Variants in FRMD4B observed in about 807,000 individuals in gnomAD.
FRMD4B encodes the protein FERM domain-containing protein 4B.
FRMD4B carries 74 observed loss-of-function variants against 141.5 expected under a neutral mutation model. The observed-to-expected ratio is 0.52, with a 90% CI of 0.43 to 0.63. The LOEUF (loss-of-function observed/expected upper bound fraction) is 0.63, where lower values mean the gene tolerates loss of function less well. FRMD4B is among the 30% of genes least tolerant of loss of function. The probability of loss-of-function intolerance (pLI) is 0.00; values close to 1 mark genes in which losing one functional copy is unlikely to be tolerated. For missense variants in FRMD4B, 1,366 were observed against 1,253.4 expected, an observed-to-expected ratio of 1.09 and a Z score of -1.36; for synonymous variants, 506 against 467.9, an observed-to-expected ratio of 1.08 and a Z score of -1.05.
intron 5 of FRMD4B, among the ~76,000 whole-genome samples, chr3:69,262,499 G>A (rs976156487): frequency 6.1e-5 from 6 of 97,814 alleles, no homozygotes; most frequent in African/African-American, 8.2e-5. Flanking sequence ...ATGGAGTTTC[G>A]CTTTTGTCCA....
chr3:69,336,918 T>C (rs953415453), intron 1 of FRMD4B, among the ~76,000 whole-genome samples: 3 of 152,160 alleles, frequency 2.0e-5, no homozygotes, highest in African/African-American at 7.2e-5. Flanking sequence ...CACTCCAGCC[T>C]GGGCATCAGA....
chr3:69,453,414 C>A (rs957668995), intron 1 of FRMD4B, among the ~76,000 whole-genome samples: 2 of 152,136 alleles, frequency 1.3e-5, no homozygotes, highest in African/African-American at 4.8e-5. Flanking sequence ...TGACTTGGCA[C>A]CGTGCATAGC....
chr3:69,187,684 G>A (rs989642445), intron 19 of FRMD4B, 86 bp downstream of exon 19: 13 of 1,233,970 alleles, frequency 1.1e-5, no homozygotes, highest in Non-Finnish European at 1.2e-5. Flanking sequence ...AAAAACATGT[G>A]AAAATGTATC....
chr3:69,485,433 C>A (rs1041742614), intron 1 of FRMD4B, among the ~76,000 whole-genome samples: 1 of 152,180 alleles, frequency 6.6e-6, no homozygotes, highest in Non-Finnish European at 1.5e-5. Context: ...AGGCCCAGAT[C>A]CGCACCCAGG....
chr3:69,427,636 G>A (rs1456657340), intron 2 of FRMD4B, among the ~76,000 whole-genome samples: 1 of 95,472 alleles, frequency 1.0e-5, no homozygotes, highest in South Asian at 3.9e-4. Flanking sequence ...TAAGAAGCTA[G>A]GTAAATGTTT....
intron 1 of FRMD4B, among the ~76,000 whole-genome samples, chr3:69,511,621 C>T (rs995856827): frequency 3.3e-5 from 5 of 152,208 alleles, no homozygotes; most frequent in Non-Finnish European, 7.3e-5. Flanking sequence ...GGCTCCCATT[C>T]CTATCAGACG....
chr3:69,188,709 A>G (rs2092798638), intron 18 of FRMD4B, among the ~76,000 whole-genome samples: 1 of 142,492 alleles, frequency 7.0e-6, no homozygotes, highest in Admixed American at 7.4e-5. Flanking sequence ...GTGAGCCGAG[A>G]TTGCGCCACT....
intron 1 of FRMD4B, among the ~76,000 whole-genome samples, chr3:69,363,276 G>A (rs1653953437): frequency 8.2e-6 from 1 of 122,584 alleles, no homozygotes; most frequent in Admixed American, 8.4e-5. Flanking sequence ...AATAGAGATG[G>A]GTCTTGCCAT....
intron 7 of FRMD4B, among the ~76,000 whole-genome samples, chr3:69,245,827 CTAATT>C (rs1265150211): frequency 7.9e-6 from 1 of 125,942 alleles, no homozygotes; most frequent in African/African-American, 3.1e-5. Flanking sequence ...ACGTGCCAGG[CTAATT>C]TGTTTTTTTT....
chr3:69,481,535 CAGTT>C (rs1706124827), intron 1 of FRMD4B, among the ~76,000 whole-genome samples: 2 of 152,074 alleles, frequency 1.3e-5, no homozygotes, highest in Admixed American at 1.3e-4. Context: ...TTTCACGTAA[CAGTT>C]AGGCAGTAAG....
intron 2 of FRMD4B, among the ~76,000 whole-genome samples, chr3:69,427,903 A>G (rs1407799584): frequency 6.6e-6 from 1 of 151,348 alleles, no homozygotes. Flanking sequence ...TGATCTGCCC[A>G]CCTCGGCCTC....
chr3:69,181,060 T>TCGGCAACTAAGGCC lies in FRMD4B; in HGVS notation c.2676_2689dup (p.Glu897GlyfsTer3). On this transcript the variant is annotated stop_gained and frameshift_variant, in exon 21 of 23. Coordinates refer to ENST00000398540, the MANE Select transcript of FRMD4B (RefSeq NM_015123.3). LOFTEE classifies it high-confidence loss of function. ...CCGCTGGTACCAGCCACGCAAGTGC[T>TCGGCAACTAAGGCC]CGGCAACTAAGGCCTTGTGGATGTT... 6.2e-7 allele frequency: 1 copy of TCGGCAACTAAGGCC among 1,613,994 alleles called. No homozygotes were observed. Among genetic ancestry groups the TCGGCAACTAAGGCC allele is most frequent in the South Asian group, 1.1e-5 (1 of 91,078 alleles).
intron 1 of FRMD4B, among the ~76,000 whole-genome samples, chr3:69,495,929 A>C (rs1000094478): frequency 1.3e-5 from 2 of 152,248 alleles, no homozygotes. Flanking sequence ...TCAAACCAGT[A>C]TGCAGTGATT....
chr3:69,220,768 C>T (rs926127227), intron 9 of FRMD4B, among the ~76,000 whole-genome samples: 7 of 152,116 alleles, frequency 4.6e-5, no homozygotes, highest in African/African-American at 1.7e-4. Context: ...GCACGAAAAT[C>T]GCTTGAACCC....
chr3:69,474,829 G>A lies in FRMD4B; in HGVS notation c.-128-42068C>T, dbSNP rs149653338. Among the ~76,000 whole-genome samples the A allele has an allele frequency of 8.0e-3, 1,211 of 152,146 alleles. 12 individuals are homozygous for A. Among genetic ancestry groups the A allele is most frequent in the Non-Finnish European group, 0.012 (793 of 67,988 alleles). ...GAGACTACTGTCTGATGTGGAAGAC[G>A]GACTGTTTAACAACCCCTTAAACCA... is the stretch of plus-strand genomic sequence containing the variant. On this transcript the variant is annotated intron_variant, in intron 1 of 5. Coordinates refer to the FRMD4B transcript ENST00000459638.
At chr3:69,476,359 C>G (rs1233100328) in intron 1 of FRMD4B, among the ~76,000 whole-genome samples, 2 of 152,052 alleles carry the variant, frequency 1.3e-5, no homozygotes, top group Non-Finnish European at 1.5e-5. Context: ...AGTCTTTATT[C>G]CATCTTGAAT....
At chr3:69,297,741 T>C (rs1158900241) in intron 4 of FRMD4B, among the ~76,000 whole-genome samples, 1 of 152,166 alleles carries the variant, frequency 6.6e-6, no homozygotes, top group East Asian at 1.9e-4. Context: ...ATATAATTTA[T>C]GGCAGCCAGA....
chr3:69,300,216 T>C (rs978971179), intron 4 of FRMD4B, among the ~76,000 whole-genome samples: 26 of 152,192 alleles, frequency 1.7e-4, no homozygotes, highest in Non-Finnish European at 2.4e-4. Context: ...GGCGTGTGCT[T>C]TTCCTTTATC....
intron 1 of FRMD4B, among the ~76,000 whole-genome samples, chr3:69,354,731 C>T (rs1454841630): frequency 6.6e-6 from 1 of 152,104 alleles, no homozygotes; most frequent in Non-Finnish European, 1.5e-5. Flanking sequence ...GTTAATCCCT[C>T]AGAAACCGGG....
Sources: allele counts gnomAD v4.1 joint callset (sites outside exome capture counted in the v4.1 genomes callset), GRCh38; gene constraint gnomAD v4.1.1; transcripts MANE v1.5; gene names NCBI Gene and HGNC (gene_info 2026-07-23, HGNC 2026-07-21).